Variants in AKR1D1 observed in about 807,000 individuals in gnomAD.
AKR1D1 encodes the protein aldo-keto reductase family 1 member D1, also known as delta(4)-3-ketosteroid 5-beta-reductase.
AKR1D1 carries 32 observed loss-of-function variants against 42.6 expected under a neutral mutation model. That is an observed-to-expected ratio of 0.75 (90% CI 0.57 to 1.01). The LOEUF is 1.01. Among genes scored for constraint, AKR1D1 ranks in the 50% least tolerant of loss-of-function variants. The pLI is 0.00. For synonymous variants in AKR1D1, 123 were observed against 135.5 expected (o/e 0.91, Z 0.64); for missense variants, 364 against 402.2 (o/e 0.91, Z 0.81).
At chr7:138,102,255 A>G (rs1192563770) in intron 4 of AKR1D1, among the ~76,000 whole-genome samples, 1 of 152,088 alleles carries the variant, frequency 6.6e-6, no homozygotes, top group East Asian at 1.9e-4. Context: ...ATAACCTATA[A>G]TAGCCACAAC....
chr7:138,105,487 C>A, intron 5 of AKR1D1, 58 bp downstream of exon 5: 1 of 1,609,442 alleles, frequency 6.2e-7, no homozygotes, highest in Non-Finnish European at 8.5e-7. Flanking sequence ...TTACATGACA[C>A]AAAGAAGCCT....
At chr7:138,106,587 C>T in intron 5 of AKR1D1, 21 bp from the exon 6 acceptor site, 1 of 1,595,856 alleles carries the variant, frequency 6.3e-7, no homozygotes, top group Non-Finnish European at 8.6e-7. Context: ...TTGTGCTCTG[C>T]TCTCCAATGC....
At chr7:138,101,163 C>T (rs75249778) in intron 4 of AKR1D1, among the ~76,000 whole-genome samples, 1 of 57,052 alleles carries the variant, frequency 1.8e-5, no homozygotes, top group African/African-American at 8.2e-5. Flanking sequence ...CTCCCTCCCT[C>T]CCTCCCTCCC....
In AKR1D1 at chr7:138,076,578, C is replaced by T. The variant is rs756630815; in HGVS notation, c.60C>T (p.Ile20=). ...IPLSDGNSIP[I]IGLGTYSEPK... Reference sequence around the variant, plus strand: ...TAAGTGATGGAAACAGCATTCCCATCATCGGACTTGGTACCTACTCAGAAC... The same window carrying T: ...TAAGTGATGGAAACAGCATTCCCATTATCGGACTTGGTACCTACTCAGAAC... The change falls in exon 1 of 9, where the codon ATC becomes ATT. Residue 20 remains isoleucine, a synonymous_variant. Coordinates refer to ENST00000242375, the MANE Select transcript of AKR1D1 (RefSeq NM_005989.4). 9 of 1,613,456 alleles carry T rather than the reference C, an allele frequency of 5.6e-6. No homozygotes were observed. The African/African-American group carries it at 1.2e-4, about 22-fold the overall frequency.
At position 138,117,410 on chromosome 7, in the gene AKR1D1, C is replaced by A. The variant is rs146490110; in HGVS notation, c.*748C>A. 6.6e-6 allele frequency: 1 copy of A among 152,532 alleles called. No individual in the cohort carries two copies. Among genetic ancestry groups the A allele is most frequent in the East Asian group, 1.9e-4 (1 of 5,190 alleles). The allele number at this position is 152,532 out of a possible 1,614,324, so 9.4% of individuals were successfully genotyped here. A position where few individuals can be genotyped will look rare whatever the true frequency, so the allele number is the denominator to read the frequency against. ...TACATTGATTATAGAACCACTATTA[C>A]GTGAAAAGGCTTGAAACAACCAACA... On this transcript the variant is annotated 3_prime_UTR_variant, in exon 9 of 9. Coordinates refer to ENST00000242375, the MANE Select transcript of AKR1D1 (RefSeq NM_005989.4).
chr7:138,096,375 C>T (rs1314017923), intron 3 of AKR1D1, among the ~76,000 whole-genome samples: 2 of 152,178 alleles, frequency 1.3e-5, no homozygotes, highest in African/African-American at 2.4e-5. Flanking sequence ...CAGCACCTCA[C>T]TAGAGCCTTC....
chr7:138,088,138 G>A (rs1793975381), intron 1 of AKR1D1, among the ~76,000 whole-genome samples: 1 of 152,050 alleles, frequency 6.6e-6, no homozygotes, highest in Non-Finnish European at 1.5e-5. Context: ...CAATCCTCCT[G>A]CCTCAGCCTC....
intron 2 of AKR1D1, among the ~76,000 whole-genome samples, chr7:138,089,239 T>C (rs527817868): frequency 1.3e-5 from 2 of 151,810 alleles, no homozygotes; most frequent in East Asian, 1.9e-4. Context: ...TAGTCCCAGA[T>C]ACTTGGGAGG....
intron 1 of AKR1D1, among the ~76,000 whole-genome samples, chr7:138,087,207 G>A (rs1276328361): frequency 6.6e-6 from 1 of 152,124 alleles, no homozygotes; most frequent in Non-Finnish European, 1.5e-5. Flanking sequence ...CTCTGGAGAG[G>A]AGAAACACTA....
intron 7 of AKR1D1, 91 bp from the exon 8 acceptor site, chr7:138,113,599 T>C (rs1585743864): frequency 6.8e-6 from 7 of 1,030,634 alleles, no homozygotes; most frequent in Non-Finnish European, 1.0e-5. Flanking sequence ...GCAGAGATAT[T>C]CATACATCTT....
chr7:138,096,037 C>CA (rs1285175874), intron 3 of AKR1D1, among the ~76,000 whole-genome samples: 2 of 150,762 alleles, frequency 1.3e-5, no homozygotes, highest in Non-Finnish European at 3.0e-5. Context: ...CTGGTCTCTA[C>CA]AAAAAAAATA....
intron 1 of AKR1D1, among the ~76,000 whole-genome samples, chr7:138,084,317 C>T (rs1461764640): frequency 7.0e-6 from 1 of 143,060 alleles, no homozygotes; most frequent in Admixed American, 7.4e-5. Context: ...GGCTGAAGCG[C>T]AGTGGCATGA....
rs1325514138 is a variant in AKR1D1, at chr7:138,117,860, A to C, written c.*1198A>C. ...AGGTGAAACCCCGTCTCTACTAAAA[A>C]TACAAAAAATTAGCCAGGCGCGGTG... On this transcript the variant is annotated 3_prime_UTR_variant, in exon 9 of 9. Coordinates refer to ENST00000242375, the MANE Select transcript of AKR1D1 (RefSeq NM_005989.4). 1.3e-5 allele frequency: 2 copies of C among 152,236 alleles called. No homozygotes were observed. The highest frequency in any genetic ancestry group is 2.4e-5 in the African/African-American group (1 of 41,434). The allele number at this position is 152,236 out of a possible 1,614,324, so 9.4% of individuals were successfully genotyped here.
At chr7:138,082,591 T>A (rs1040793584) in intron 1 of AKR1D1, among the ~76,000 whole-genome samples, 1 of 152,166 alleles carries the variant, frequency 6.6e-6, no homozygotes, top group Non-Finnish European at 1.5e-5. Flanking sequence ...AGGGTCTTAC[T>A]ATATTGCCCA....
chr7:138,106,550 A>C, intron 5 of AKR1D1, 58 bp from the exon 6 acceptor site: 1 of 1,305,884 alleles, frequency 7.7e-7, no homozygotes, highest in Non-Finnish European at 1.1e-6. Flanking sequence ...TAACAGTACA[A>C]TTGCATTCAA....
intron 1 of AKR1D1, among the ~76,000 whole-genome samples, chr7:138,085,222 TATAA>T (rs1185159559): frequency 2.0e-5 from 3 of 152,026 alleles, no homozygotes; most frequent in South Asian, 4.2e-4. Context: ...AATATAAACA[TATAA>T]ATAAATAAGT....
intron 1 of AKR1D1, among the ~76,000 whole-genome samples, chr7:138,087,571 T>C (rs1793957723): frequency 6.6e-6 from 1 of 152,226 alleles, no homozygotes; most frequent in Admixed American, 6.5e-5. Flanking sequence ...CTGTCCATAT[T>C]TAAAGTATAC....
chr7:138,103,961 T>G (rs1410314177), intron 4 of AKR1D1, among the ~76,000 whole-genome samples: 1 of 151,850 alleles, frequency 6.6e-6, no homozygotes, highest in Non-Finnish European at 1.5e-5. Flanking sequence ...GAGACCCCCC[T>G]CATCTCCAAA....
At chr7:138,097,289 T>G (rs930104789) in intron 3 of AKR1D1, among the ~76,000 whole-genome samples, 13 of 152,174 alleles carry the variant, frequency 8.5e-5, no homozygotes, top group African/African-American at 2.2e-4. Context: ...AAGCAGACCC[T>G]GAGATGAAGA....
Sources: allele counts gnomAD v4.1 joint callset (sites outside exome capture counted in the v4.1 genomes callset), GRCh38; gene constraint gnomAD v4.1.1; transcripts MANE v1.5; gene names NCBI Gene and HGNC (gene_info 2026-07-23, HGNC 2026-07-21).